VTA1: variants seen among roughly 807,000 people sequenced by gnomAD.
The protein encoded by VTA1 is vacuolar protein sorting-associated protein VTA1 homolog.
Under a neutral mutation model 36.9 loss-of-function variants are expected in VTA1, and 24 were observed. That is an observed-to-expected ratio of 0.65 (90% CI 0.47 to 0.91). VTA1 has a LOEUF of 0.91. Ranked by LOEUF, VTA1 falls within the 40% of genes least tolerant of loss-of-function variation. The probability of loss-of-function intolerance (pLI) is 0.00; values close to 1 mark genes in which losing one functional copy is unlikely to be tolerated. For missense variants in VTA1, 393 were observed against 377.2 expected (o/e 1.04, Z -0.35); for synonymous variants, 142 against 130.2 (o/e 1.09, Z -0.62).
chr6:142,189,686 G>A (rs1004058848), intron 5 of VTA1, 152 bp downstream of exon 5: 27 of 575,356 alleles, frequency 4.7e-5, no homozygotes, highest in Non-Finnish European at 7.9e-5. Flanking sequence ...CTTAGGGACA[G>A]TGAGAAATAG....
intron 1 of VTA1, among the ~76,000 whole-genome samples, chr6:142,156,587 C>G (rs561332325): frequency 6.6e-6 from 1 of 152,022 alleles, no homozygotes; most frequent in Non-Finnish European, 1.5e-5. Flanking sequence ...TTCAGTTTGC[C>G]GTGAGTAAAT....
Position 142,190,052 on chromosome 6 carries a change from T to C in VTA1, c.520+518T>C, listed in dbSNP as rs200330531. Among the ~76,000 whole-genome samples, 14 of 152,330 alleles carry C rather than the reference T, an allele frequency of 9.2e-5. No homozygotes were observed. The East Asian group carries it at 2.1e-3, about 23-fold the overall frequency. ...GATTACAGGCGTGAGCCACCGTACCTGGCCTCCTACTTTTAATCAGATTTC... is the reference window on the plus strand; with the variant it reads ...GATTACAGGCGTGAGCCACCGTACCCGGCCTCCTACTTTTAATCAGATTTC... On this transcript the variant is annotated intron_variant, in intron 5 of 7. Transcript: ENST00000367630.
At chr6:142,150,481 T>C (rs1005953131) in intron 1 of VTA1, among the ~76,000 whole-genome samples, 1 of 152,234 alleles carries the variant, frequency 6.6e-6, no homozygotes, top group Non-Finnish European at 1.5e-5. Flanking sequence ...CTTCTCCCAC[T>C]TTAATGAAGA....
At chr6:142,189,650 A>C in intron 5 of VTA1, 116 bp downstream of exon 5, 1 of 700,286 alleles carries the variant, frequency 1.4e-6, no homozygotes, top group Non-Finnish European at 2.3e-6. Context: ...CCCAGAATCA[A>C]TGAAAGTTAA....
rs762087533 is a variant in VTA1, at chr6:142,189,583, A to C, written c.520+49A>C. 4.1e-6 allele frequency: 6 copies of C among 1,468,998 alleles called. No individual in the cohort carries two copies. In the Admixed American group the frequency reaches 1.1e-4, roughly 27 times the overall value. 91.0% of individuals were successfully genotyped at this position (1,468,998 alleles called of 1,614,324 possible). ...AAAAGGACTTAGTAGAATCATAATT[A>C]TTCAGTAGATTACTCAAAGTTTTTG... is the stretch of plus-strand genomic sequence containing the variant. On this transcript the variant is annotated intron_variant, in intron 5 of 7. Coordinates refer to ENST00000367630, the MANE Select transcript of VTA1 (RefSeq NM_016485.5).
chr6:142,198,404 A>G, intron 5 of VTA1, 35 bp from the exon 6 acceptor site: 1 of 1,584,504 alleles, frequency 6.3e-7, no homozygotes, highest in Non-Finnish European at 8.6e-7. Flanking sequence ...ATTTCAAAAT[A>G]CCTACTGTAA....
intron 7 of VTA1, among the ~76,000 whole-genome samples, chr6:142,216,330 A>T (rs1230820613): frequency 1.3e-5 from 2 of 152,174 alleles, no homozygotes; most frequent in Admixed American, 1.3e-4. Context: ...TCAGTTTAAG[A>T]ATTTAATTCA....
chr6:142,181,571 C>T (rs1015429515), intron 4 of VTA1, among the ~76,000 whole-genome samples: 3 of 150,598 alleles, frequency 2.0e-5, no homozygotes, highest in African/African-American at 7.3e-5. Flanking sequence ...GTATGTTGTG[C>T]TATTTTTAAA....
chr6:142,170,468 T>C lies in VTA1; in HGVS notation c.411+47T>C, dbSNP rs757456028. 3.4e-5 allele frequency: 43 copies of C among 1,268,262 alleles called. No homozygotes were observed. The East Asian group carries it at 1.0e-3, about 29-fold the overall frequency. The allele number at this position is 1,268,262 out of a possible 1,614,324, so 78.6% of individuals were successfully genotyped here. On this transcript the variant is annotated intron_variant, in intron 4 of 7. Coordinates refer to ENST00000367630, the MANE Select transcript of VTA1 (RefSeq NM_016485.5). Reference sequence around the variant, plus strand: ...TCTTATTAGCTGAAGATCAGTAATGTTTCTGTTTATCAATATTGTTATTGC... The same window carrying C: ...TCTTATTAGCTGAAGATCAGTAATGCTTCTGTTTATCAATATTGTTATTGC...
At position 142,219,202 on chromosome 6, in the gene VTA1, A is replaced by G. The variant is rs1159314453; in HGVS notation, c.*559A>G. On this transcript the variant is annotated 3_prime_UTR_variant, in exon 8 of 8. Coordinates refer to ENST00000367630, the MANE Select transcript of VTA1 (RefSeq NM_016485.5). Reference sequence around the variant, plus strand: ...TCTCATATTAAATATAACTCCATTAAAAGTTTAAAATTTCATGGGAGAAAA... The same window carrying G: ...TCTCATATTAAATATAACTCCATTAGAAGTTTAAAATTTCATGGGAGAAAA... 6.6e-6 allele frequency: 1 copy of G among 152,222 alleles called. No homozygotes were observed. The allele number at this position is 152,222 out of a possible 1,614,324, so 9.4% of individuals were successfully genotyped here. A position where few individuals can be genotyped will look rare whatever the true frequency, so the allele number is the denominator to read the frequency against.
chr6:142,191,167 T>C (rs1313768818), intron 5 of VTA1, among the ~76,000 whole-genome samples: 2 of 152,192 alleles, frequency 1.3e-5, no homozygotes, highest in East Asian at 1.9e-4. Flanking sequence ...TTATGCTTAC[T>C]TCATAAATAT....
chr6:142,147,268 G>C lies in VTA1; in HGVS notation c.-20G>C, dbSNP rs1293236198. Reference sequence around the variant, plus strand: ...AGTGCCGGTGGAGCGCGAGTAGGAAGTGGTGAGTTCGGAGTAGAGATGGCC... The same window carrying C: ...AGTGCCGGTGGAGCGCGAGTAGGAACTGGTGAGTTCGGAGTAGAGATGGCC... On this transcript the variant is annotated 5_prime_UTR_variant, in exon 1 of 8. Transcript: ENST00000367630. The C allele has an allele frequency of 3.1e-6, 5 of 1,613,800 alleles. No homozygotes were observed. Among genetic ancestry groups the C allele is most frequent in the Non-Finnish European group, 2.5e-6 (3 of 1,179,786 alleles).
chr6:142,195,462 T>G (rs1775526192), intron 5 of VTA1, among the ~76,000 whole-genome samples: 2 of 151,880 alleles, frequency 1.3e-5, no homozygotes, highest in Non-Finnish European at 2.9e-5. Context: ...CTGTTTCCTC[T>G]TTTTCCTCCC....
At chr6:142,213,961 T>C (rs1775957594) in intron 7 of VTA1, among the ~76,000 whole-genome samples, 1 of 152,192 alleles carries the variant, frequency 6.6e-6, no homozygotes, top group East Asian at 1.9e-4. Flanking sequence ...CTTATGCACA[T>C]TTGGGTGATA....
At chr6:142,212,848 G>T (rs1206156289) in intron 7 of VTA1, among the ~76,000 whole-genome samples, 1 of 152,058 alleles carries the variant, frequency 6.6e-6, no homozygotes, top group East Asian at 1.9e-4. Context: ...ATAACAAGGG[G>T]CACATCAGCC....
In VTA1 at chr6:142,220,551, A is replaced by G. The variant is rs1776089694; in HGVS notation, c.*1908A>G. 1 of 152,214 alleles carries G rather than the reference A, an allele frequency of 6.6e-6. No homozygotes were observed. Among genetic ancestry groups the G allele is most frequent in the African/African-American group, 2.4e-5 (1 of 41,462 alleles). 9.4% of individuals were successfully genotyped at this position (152,214 alleles called of 1,614,324 possible). The stretch of plus-strand genomic sequence containing the variant: ...ATACAGTACCTGAAGTGCTTAGCGC[A>G]TGGTAGCATTTCATAAATGTTTAGT... On this transcript the variant is annotated 3_prime_UTR_variant, in exon 8 of 8. Coordinates refer to ENST00000367630, the MANE Select transcript of VTA1 (RefSeq NM_016485.5).
intron 7 of VTA1, among the ~76,000 whole-genome samples, chr6:142,207,989 AGG>A: frequency 1.3e-5 from 2 of 150,090 alleles, no homozygotes; most frequent in South Asian, 4.3e-4. Context: ...TGGGAGGCTG[AGG>A]CAGGAGAATC....
chr6:142,147,307 T>C lies in VTA1; in HGVS notation c.20T>C (p.Leu7Pro), dbSNP rs1330730996. 1.9e-6 allele frequency: 3 copies of C among 1,614,210 alleles called. No homozygotes were observed. Among genetic ancestry groups the C allele is most frequent in the South Asian group, 1.1e-5 (1 of 91,074 alleles). Residue 7 changes from leucine to proline, a missense_variant, in exon 1 of 8, where the codon CTG becomes CCG. Physicochemically the swap from Leu to Pro is moderately conservative, Grantham distance 98 (BLOSUM62 -3). Transcript: ENST00000367630. Reference sequence around the variant, plus strand: ...GTAGAGATGGCCGCGCTTGCACCGCTGCCCCCGCTCCCCGCACAGTTCAAG... The same window carrying C: ...GTAGAGATGGCCGCGCTTGCACCGCCGCCCCCGCTCCCCGCACAGTTCAAG... MAALAP[L>P]PPLPAQFKSI...
At chr6:142,163,795 C>G (rs1774859741) in intron 1 of VTA1, among the ~76,000 whole-genome samples, 1 of 152,004 alleles carries the variant, frequency 6.6e-6, no homozygotes, top group East Asian at 1.9e-4. Flanking sequence ...TTTTGATCAC[C>G]TATCCATATG....
Sources: gnomAD v4.1 joint callset for allele counts (sites outside exome capture counted in the v4.1 genomes callset) on GRCh38, gnomAD v4.1.1 for gene constraint, MANE v1.5 for transcripts, NCBI Gene and HGNC (gene_info 2026-07-23, HGNC 2026-07-21) for gene names.